Variants in BPIFC observed in about 807,000 individuals in gnomAD.
BPIFC encodes BPI fold-containing family C protein.
In BPIFC, 60 loss-of-function variants were observed where a neutral mutation model predicts 57.6. The ratio of observed to expected loss-of-function variants is 1.04; its 90% CI spans 0.85 to 1.29. BPIFC has a LOEUF of 1.29. Among genes scored for constraint, BPIFC ranks in the 50% most tolerant of loss-of-function variants. The pLI, the probability that BPIFC is intolerant of heterozygous loss-of-function variation, is 0.00. For synonymous variants in BPIFC, 243 were observed against 224.5 expected (o/e 1.08, Z -0.74); for missense variants, 581 against 600.5 (o/e 0.97, Z 0.34).
At chr22:32,452,317 C>T (rs1934917024) in intron 4 of BPIFC, among the ~76,000 whole-genome samples, 1 of 152,182 alleles carries the variant, frequency 6.6e-6, no homozygotes, top group Non-Finnish European at 1.5e-5. Flanking sequence ...CCCTAAGTCA[C>T]CATCTCTCTT....
At chr22:32,462,438 A>C (rs1935187208) in intron 1 of BPIFC, among the ~76,000 whole-genome samples, 3 of 152,164 alleles carry the variant, frequency 2.0e-5, no homozygotes, top group Admixed American at 2.0e-4. Context: ...GGAAAAACCA[A>C]ACTATCATAT....
intron 2 of BPIFC, among the ~76,000 whole-genome samples, chr22:32,460,025 G>A (rs908596428): frequency 6.6e-6 from 1 of 152,114 alleles, no homozygotes; most frequent in Non-Finnish European, 1.5e-5. Context: ...GCCGAAGTAG[G>A]TGAGAGGTTT....
intron 16 of BPIFC, 42 bp from the exon 17 acceptor site, chr22:32,414,467 C>T (rs1260669592): frequency 1.2e-6 from 2 of 1,606,650 alleles, no homozygotes; most frequent in East Asian, 2.2e-5. Context: ...AAAACTTGGG[C>T]ATGTCTGGGT....
chr22:32,440,246 C>G (rs1401394295), intron 8 of BPIFC, among the ~76,000 whole-genome samples: 1 of 152,170 alleles, frequency 6.6e-6, no homozygotes, highest in Non-Finnish European at 1.5e-5. Context: ...AGTAATCCTC[C>G]TACCTCAGCC....
At chr22:32,463,536 T>C (rs1402836166) in intron 1 of BPIFC, among the ~76,000 whole-genome samples, 3 of 152,180 alleles carry the variant, frequency 2.0e-5, no homozygotes, top group African/African-American at 4.8e-5. Flanking sequence ...CAGATGGTCC[T>C]ACTACTACTG....
chr22:32,461,440 C>T (rs1459341393), intron 2 of BPIFC, 134 bp downstream of exon 2: 4 of 317,684 alleles, frequency 1.3e-5, no homozygotes, highest in Non-Finnish European at 1.8e-5. Flanking sequence ...AGAGGAGGAT[C>T]TCTGGCCAAG....
chr22:32,445,067 G>A (rs1934679385), intron 7 of BPIFC, among the ~76,000 whole-genome samples: 1 of 152,190 alleles, frequency 6.6e-6, no homozygotes, highest in Non-Finnish European at 1.5e-5. Context: ...AAATTTGAGA[G>A]ATGTGCTGTT....
At chr22:32,446,329 G>A (rs1269082072) in intron 5 of BPIFC, among the ~76,000 whole-genome samples, 1 of 152,172 alleles carries the variant, frequency 6.6e-6, no homozygotes, top group East Asian at 1.9e-4. Flanking sequence ...GGGCAAGACT[G>A]GCAACACTTT....
At chr22:32,425,262 T>C (rs962900833) in intron 13 of BPIFC, among the ~76,000 whole-genome samples, 3 of 152,166 alleles carry the variant, frequency 2.0e-5, no homozygotes, top group Non-Finnish European at 4.4e-5. Context: ...GGGATAATAG[T>C]ACCTACCTCT....
chr22:32,436,791 C>A (rs1189053352), intron 9 of BPIFC, among the ~76,000 whole-genome samples: 1 of 152,116 alleles, frequency 6.6e-6, no homozygotes, highest in East Asian at 1.9e-4. Flanking sequence ...GAAAGAAGAC[C>A]CAAGACTCCA....
At chr22:32,435,077 C>A (rs1183247930) in intron 10 of BPIFC, among the ~76,000 whole-genome samples, 1 of 152,166 alleles carries the variant, frequency 6.6e-6, no homozygotes, top group Non-Finnish European at 1.5e-5. Context: ...GTATTTAAAT[C>A]TTTTAATGCC....
chr22:32,423,244 T>C (rs1302272693), intron 13 of BPIFC, among the ~76,000 whole-genome samples: 2 of 152,220 alleles, frequency 1.3e-5, no homozygotes, highest in African/African-American at 4.8e-5. Context: ...TAAAGGACCC[T>C]TTTGATGAGT....
intron 12 of BPIFC, among the ~76,000 whole-genome samples, chr22:32,432,010 T>C (rs1035944616): frequency 7.8e-6 from 1 of 128,074 alleles, no homozygotes; most frequent in Non-Finnish European, 1.6e-5. Flanking sequence ...CATAGCTCAC[T>C]GTAGCCTCAA....
At chr22:32,442,443 C>A (rs1482339840) in intron 8 of BPIFC, among the ~76,000 whole-genome samples, 2 of 152,116 alleles carry the variant, frequency 1.3e-5, no homozygotes, top group Non-Finnish European at 2.9e-5. Context: ...ACATCTCATC[C>A]CCCTGGAGCC....
At chr22:32,415,014 C>A (rs555173808) in intron 16 of BPIFC, among the ~76,000 whole-genome samples, 4 of 152,332 alleles carry the variant, frequency 2.6e-5, no homozygotes, top group Admixed American at 2.0e-4. Flanking sequence ...GCATTAGCGA[C>A]TGGTTTCATG....
At chr22:32,431,439 A>ATTTATTTATTTATTTTATTTATT in intron 12 of BPIFC, 25 bp from the exon 13 acceptor site, 10 of 1,343,068 alleles carry the variant, frequency 7.4e-6, no homozygotes, top group Non-Finnish European at 1.1e-5. Flanking sequence ...AGCATTTATT[A>ATTTATTTATTTATTTTATTTATT]TTAAGACGAG....
intron 8 of BPIFC, among the ~76,000 whole-genome samples, chr22:32,440,894 C>T (rs1396159593): frequency 6.6e-6 from 1 of 152,018 alleles, no homozygotes; most frequent in Non-Finnish European, 1.5e-5. Flanking sequence ...TTGCCCTTGA[C>T]CCCCTTCCTT....
chr22:32,453,628 C>CACTTTGTGGGGTTG, intron 3 of BPIFC, 125 bp from the exon 4 acceptor site: 1 of 1,218,212 alleles, frequency 8.2e-7, no homozygotes, highest in Non-Finnish European at 1.1e-6. Flanking sequence ...AATGGCAACC[C>CACTTTGTGGGGTTG]CACAAAGTGG....
At chr22:32,447,719 C>T (rs1934769867) in intron 4 of BPIFC, among the ~76,000 whole-genome samples, 1 of 151,270 alleles carries the variant, frequency 6.6e-6, no homozygotes, top group East Asian at 2.0e-4. Context: ...AATCCTCCTG[C>T]CTCAGCTTTC....
Sources: gnomAD v4.1 joint callset for allele counts (sites outside exome capture counted in the v4.1 genomes callset) on GRCh38, gnomAD v4.1.1 for gene constraint, MANE v1.5 for transcripts, NCBI Gene and HGNC (gene_info 2026-07-23, HGNC 2026-07-21) for gene names.